Variants in SESN1 observed in about 807,000 individuals in gnomAD.
SESN1 encodes the protein sestrin 1, also known as sestrin-1.
SESN1 carries 30 observed loss-of-function variants against 59.3 expected under a neutral mutation model. The ratio of observed to expected loss-of-function variants is 0.51; its 90% CI spans 0.38 to 0.69. The LOEUF is 0.69. Ranked by LOEUF, SESN1 falls within the 30% of genes least tolerant of loss-of-function variation. SESN1 has a pLI of 0.00. For missense variants in SESN1, 566 were observed against 673.0 expected (o/e 0.84, Z 1.76); for synonymous variants, 197 against 219.9 (o/e 0.90, Z 0.92).
intron 1 of SESN1, among the ~76,000 whole-genome samples, chr6:109,022,545 C>G (rs569130190): frequency 1.3e-5 from 2 of 149,638 alleles, no homozygotes; most frequent in South Asian, 4.3e-4. Flanking sequence ...GCCTCAGCCT[C>G]CTACAGGTGC....
rs1779131630 is a variant in SESN1, at chr6:108,984,564, A to T, written c.*2980T>A. ...ATCACCACATTGAGGATTACATTTCAGCATACAACATACATCAACATACAA... is the reference window on the plus strand; with the variant it reads ...ATCACCACATTGAGGATTACATTTCTGCATACAACATACATCAACATACAA... On this transcript the variant is annotated 3_prime_UTR_variant, in exon 10 of 10. Coordinates refer to ENST00000436639, the MANE Select transcript of SESN1 (RefSeq NM_014454.3). 6.6e-6 allele frequency among the ~76,000 whole-genome samples: 1 copy of T among 152,220 alleles called. No individual in the cohort carries two copies. The highest frequency in any genetic ancestry group is 6.5e-5 in the Admixed American group (1 of 15,278).
intron 1 of SESN1, among the ~76,000 whole-genome samples, chr6:109,012,536 G>A (rs1171919511): frequency 6.6e-6 from 1 of 152,092 alleles, no homozygotes; most frequent in African/African-American, 2.4e-5. Flanking sequence ...TTTTAACAGA[G>A]AACTATGAAA....
chr6:109,046,078 G>A (rs1320197202), intron 1 of SESN1, among the ~76,000 whole-genome samples: 1 of 151,918 alleles, frequency 6.6e-6, no homozygotes. Context: ...AAAATCTAAT[G>A]CAATAAGATA....
chr6:109,062,857 A>G (rs1377973230), intron 1 of SESN1, among the ~76,000 whole-genome samples: 3 of 152,230 alleles, frequency 2.0e-5, no homozygotes, highest in Non-Finnish European at 4.4e-5. Flanking sequence ...GTAATATACT[A>G]TAATAAAGAT....
In SESN1 at chr6:109,001,478, A is replaced by T; in HGVS notation, c.356T>A (p.Val119Glu). The T allele has an allele frequency of 6.2e-7, 1 of 1,612,502 alleles. No homozygotes were observed. The highest frequency in any genetic ancestry group is 1.3e-5 in the African/African-American group (1 of 74,818). ...ATGCATCTGTGCGTCTTCACTCCCC[A>T]CTTGGAGGATCTGTATAAATGAGAA... ...RFIPEKEILQ[V>E]GSEDAQMHAL... Residue 119 changes from valine (V) to glutamate (E), a missense_variant, in exon 3 of 10, where the codon GTG (valine) becomes GAG (glutamate). Coordinates refer to ENST00000436639, the MANE Select transcript of SESN1 (RefSeq NM_014454.3).
chr6:109,066,859 A>T (rs569404618), intron 1 of SESN1, among the ~76,000 whole-genome samples: 1 of 150,652 alleles, frequency 6.6e-6, no homozygotes, highest in East Asian at 1.9e-4. Context: ...TCAAGTGTCA[A>T]TGAAGACTTA....
chr6:109,053,723 T>TA (rs1780581334), intron 1 of SESN1, among the ~76,000 whole-genome samples: 1 of 152,156 alleles, frequency 6.6e-6, no homozygotes, highest in African/African-American at 2.4e-5. Context: ...TTCAAACACT[T>TA]AAGGGAAAGA....
intron 1 of SESN1, among the ~76,000 whole-genome samples, chr6:109,051,299 AAAATTAT>A (rs1408190198): frequency 2.0e-5 from 3 of 151,716 alleles, no homozygotes; most frequent in Non-Finnish European, 4.4e-5. Context: ...AAGATTTTTA[AAAATTAT>A]TTACCAAACA....
intron 1 of SESN1, among the ~76,000 whole-genome samples, chr6:109,085,359 A>T (rs1417647154): frequency 6.6e-6 from 1 of 152,146 alleles, no homozygotes; most frequent in Non-Finnish European, 1.5e-5. Context: ...CTCTACTAAA[A>T]ATACAAAAAA....
chr6:109,025,265 A>C (rs533636991), intron 1 of SESN1, among the ~76,000 whole-genome samples: 3 of 152,256 alleles, frequency 2.0e-5, no homozygotes, highest in Non-Finnish European at 2.9e-5. Flanking sequence ...CACAAGGTGG[A>C]TCACACATAA....
chr6:109,046,499 C>T (rs1313475047), intron 1 of SESN1, among the ~76,000 whole-genome samples: 23 of 147,990 alleles, frequency 1.6e-4, no homozygotes, highest in African/African-American at 5.2e-4. Context: ...TCTGCCCGGC[C>T]GCCACCCCGT....
chr6:109,042,805 CATA>C (rs1780363657), intron 1 of SESN1, among the ~76,000 whole-genome samples: 1 of 151,928 alleles, frequency 6.6e-6, no homozygotes, highest in Non-Finnish European at 1.5e-5. Context: ...TCCAATTTTA[CATA>C]ATATTTTCCA....
At chr6:109,003,385 G>C (rs1177133145) in intron 1 of SESN1, among the ~76,000 whole-genome samples, 1 of 151,178 alleles carries the variant, frequency 6.6e-6, no homozygotes, top group South Asian at 2.1e-4. Flanking sequence ...GGTGGGGGTG[G>C]GTGCACAGAG....
At chr6:109,001,791 AAC>A (rs910061653) in intron 2 of SESN1, among the ~76,000 whole-genome samples, 4 of 152,206 alleles carry the variant, frequency 2.6e-5, no homozygotes, top group Non-Finnish European at 4.4e-5. Flanking sequence ...AGAGCTTGCA[AAC>A]AGACACTAAA....
At chr6:109,070,930 G>T (rs942392426) in intron 1 of SESN1, among the ~76,000 whole-genome samples, 1 of 152,176 alleles carries the variant, frequency 6.6e-6, no homozygotes, top group Non-Finnish European at 1.5e-5. Flanking sequence ...GAGCGTATAA[G>T]AAATTAATAT....
chr6:109,071,983 C>G (rs1780943354), intron 1 of SESN1, among the ~76,000 whole-genome samples: 1 of 152,162 alleles, frequency 6.6e-6, no homozygotes, highest in South Asian at 2.1e-4. Flanking sequence ...CAAGTGAGTA[C>G]ACAGTTTTGC....
intron 1 of SESN1, among the ~76,000 whole-genome samples, chr6:109,056,756 C>T (rs1474481952): frequency 6.6e-6 from 1 of 152,200 alleles, no homozygotes; most frequent in Non-Finnish European, 1.5e-5. Context: ...TAGGAGGCAG[C>T]TTACAAGATG....
At chr6:108,991,803 T>C (rs775346712) in intron 7 of SESN1, among the ~76,000 whole-genome samples, 1 of 152,196 alleles carries the variant, frequency 6.6e-6, no homozygotes, top group Non-Finnish European at 1.5e-5. Context: ...TACTTTGACA[T>C]TTAAGGCACA....
chr6:109,045,800 C>G (rs1583285124), intron 1 of SESN1, among the ~76,000 whole-genome samples: 1 of 152,304 alleles, frequency 6.6e-6, no homozygotes, highest in East Asian at 1.9e-4. Context: ...CTGTGAGCTC[C>G]TTGAGAATGA....
Sources: gnomAD v4.1 joint callset for allele counts (sites outside exome capture counted in the v4.1 genomes callset) on GRCh38, gnomAD v4.1.1 for gene constraint, MANE v1.5 for transcripts, NCBI Gene and HGNC (gene_info 2026-07-23, HGNC 2026-07-21) for gene names.